ATP5MF: variants seen among roughly 807,000 people sequenced by gnomAD.
ATP5MF encodes ATP synthase membrane subunit f, also known as ATP synthase F(0) complex subunit f, mitochondrial.
ATP5MF carries 10 observed loss-of-function variants against 13.8 expected under a neutral mutation model. The observed-to-expected ratio is 0.72, with a 90% confidence interval of 0.45 to 1.23. The LOEUF (loss-of-function observed/expected upper bound fraction) is 1.23. Ranked by LOEUF, ATP5MF falls within the 50% of genes most tolerant of loss-of-function variation. The pLI, the probability that ATP5MF is intolerant of heterozygous loss-of-function variation, is 0.00. For synonymous variants in ATP5MF, 40 were observed against 45.8 expected (o/e 0.87, Z 0.51); for missense variants, 122 against 118.2 (o/e 1.03, Z -0.15).
intron 1 of ATP5MF, among the ~76,000 whole-genome samples, chr7:99,461,175 C>A: frequency 6.6e-6 from 1 of 152,090 alleles, no homozygotes; most frequent in East Asian, 1.9e-4. Flanking sequence ...AATCGTCTCC[C>A]CTGTTCTCCC....
At chr7:99,465,637 G>C (rs868161037) in intron 1 of ATP5MF, among the ~76,000 whole-genome samples, 3 of 152,154 alleles carry the variant, frequency 2.0e-5, no homozygotes, top group Non-Finnish European at 4.4e-5. Flanking sequence ...TTGTGACCTT[G>C]AACAGGTCAC....
chr7:99,459,109 C>G (rs1486028780), intron 3 of ATP5MF, 38 bp downstream of exon 3: 4 of 1,508,098 alleles, frequency 2.7e-6, no homozygotes, highest in African/African-American at 1.4e-5. Context: ...ACCACCCTCT[C>G]ATGGGAACTA....
At chr7:99,464,568 C>T (rs1381487736) in intron 1 of ATP5MF, among the ~76,000 whole-genome samples, 1 of 152,126 alleles carries the variant, frequency 6.6e-6, no homozygotes, top group Non-Finnish European at 1.5e-5. Context: ...GAGGCTGAGG[C>T]AGGAGAATGG....
At chr7:99,459,823 T>C in intron 2 of ATP5MF, 1 of 433,702 alleles carries the variant, frequency 2.3e-6, no homozygotes, top group Admixed American at 4.1e-5. Context: ...TAAAGAAGTC[T>C]TAGGATTTCT....
At position 99,466,065 on chromosome 7, in the gene ATP5MF, C is replaced by G. The variant is rs1798860429; in HGVS notation, c.31+46G>C. The G allele has an allele frequency of 1.9e-6, 3 of 1,613,842 alleles. No homozygotes were observed. The African/African-American group carries it at 4.0e-5, about 22-fold the overall frequency. On this transcript the variant is annotated intron_variant, in intron 1 of 3. Coordinates refer to ENST00000292475, the MANE Select transcript of ATP5MF (RefSeq NM_004889.5). ...TTCTCTCCCAGTGTGGCTCTGGACC[C>G]TGGACCCTGGCTCCTGCTTCCACCA... is the stretch of plus-strand genomic sequence containing the variant.
chr7:99,465,217 C>T (rs1382081342), intron 1 of ATP5MF, among the ~76,000 whole-genome samples: 2 of 152,110 alleles, frequency 1.3e-5, no homozygotes, highest in African/African-American at 4.8e-5. Flanking sequence ...CGAGATCACA[C>T]CATTGCACTC....
intron 1 of ATP5MF, among the ~76,000 whole-genome samples, chr7:99,462,980 A>G (rs1980307): frequency 0.37 from 56,018 of 152,210 alleles, 16,423 homozygotes; most frequent in African/African-American, 0.81. Context: ...TCTGGGTTTA[A>G]TGCCATTTTG....
chr7:99,465,624 G>T (rs1169845723), intron 1 of ATP5MF, among the ~76,000 whole-genome samples: 1 of 152,106 alleles, frequency 6.6e-6, no homozygotes, highest in Non-Finnish European at 1.5e-5. Flanking sequence ...GCCCTCGCAC[G>T]AGTTGTGACC....
At chr7:99,460,628 TCA>T (rs1798558157) in intron 1 of ATP5MF, 2 of 451,022 alleles carry the variant, frequency 4.4e-6, no homozygotes, top group Admixed American at 2.4e-5. Flanking sequence ...GTGACCAAAG[TCA>T]CACACACAAC....
At chr7:99,462,641 G>A (rs1284803364) in intron 1 of ATP5MF, among the ~76,000 whole-genome samples, 3 of 152,190 alleles carry the variant, frequency 2.0e-5, no homozygotes, top group African/African-American at 7.2e-5. Context: ...TGGGCATGGT[G>A]GCGTGTGCCT....
chr7:99,463,264 A>T (rs1053865761), intron 1 of ATP5MF, among the ~76,000 whole-genome samples: 7 of 152,242 alleles, frequency 4.6e-5, no homozygotes, highest in African/African-American at 1.7e-4. Context: ...TGCTAAATCC[A>T]ACCTGGGGGT....
At chr7:99,460,028 AAG>A (rs1798527270) in intron 2 of ATP5MF, 56 bp downstream of exon 2, 5 of 1,547,204 alleles carry the variant, frequency 3.2e-6, no homozygotes, top group Non-Finnish European at 4.3e-6. Flanking sequence ...CATGGCAAAA[AAG>A]AGATCTGAAG....
At chr7:99,459,950 C>T (rs1798523239) in intron 2 of ATP5MF, 136 bp downstream of exon 2, 1 of 989,728 alleles carries the variant, frequency 1.0e-6, no homozygotes, top group African/African-American at 1.6e-5. Flanking sequence ...GGCCTAGCAT[C>T]CCTCCCTGTC....
At chr7:99,463,304 C>T (rs780744763) in intron 1 of ATP5MF, among the ~76,000 whole-genome samples, 1 of 152,206 alleles carries the variant, frequency 6.6e-6, no homozygotes, top group Non-Finnish European at 1.5e-5. Flanking sequence ...TTTGGATTTG[C>T]AGGCCACATA....
intron 1 of ATP5MF, among the ~76,000 whole-genome samples, chr7:99,464,559 A>G (rs991351616): frequency 1.3e-5 from 2 of 152,150 alleles, no homozygotes; most frequent in African/African-American, 4.8e-5. Flanking sequence ...GCTACTCAGG[A>G]GGCTGAGGCA....
chr7:99,459,875 C>T lies in ATP5MF; in HGVS notation c.139+211G>A, dbSNP rs536624106. 3.0e-5 allele frequency: 17 copies of T among 561,002 alleles called. No homozygotes were observed. The African/African-American group carries it at 3.1e-4, about 10-fold the overall frequency. The allele number at this position is 561,002 out of a possible 1,614,324, so 34.8% of individuals were successfully genotyped here. ...CATACTGATTCCAAGCAACAGGAAA[C>T]ATGTTCTTGGCTGTAATATCTCAGA... On this transcript the variant is annotated intron_variant, in intron 2 of 3. Coordinates refer to ENST00000292475, the MANE Select transcript of ATP5MF (RefSeq NM_004889.5).
intron 2 of ATP5MF, 180 bp downstream of exon 2, chr7:99,459,906 C>T: frequency 1.5e-6 from 1 of 661,488 alleles, no homozygotes; most frequent in Non-Finnish European, 2.6e-6. Flanking sequence ...TCAGAGCCAG[C>T]CTTTGAAAGG....
chr7:99,459,578 T>G, intron 2 of ATP5MF: 1 of 306,264 alleles, frequency 3.3e-6, no homozygotes, highest in South Asian at 3.7e-5. Context: ...GCCAGCTAAT[T>G]TTTCTTGTGT....
chr7:99,458,586 G>A (rs924080195), intron 3 of ATP5MF, among the ~76,000 whole-genome samples: 5 of 152,126 alleles, frequency 3.3e-5, no homozygotes, highest in Admixed American at 6.5e-5. Context: ...AGGAACAGAG[G>A]GAACACACGC....
Sources: allele counts gnomAD v4.1 joint callset (sites outside exome capture counted in the v4.1 genomes callset), GRCh38; gene constraint gnomAD v4.1.1; transcripts MANE v1.5; gene names NCBI Gene and HGNC (gene_info 2026-07-23, HGNC 2026-07-21).